The following GRIN2B variants were observed in gnomAD, a reference collection of about 807,000 sequenced individuals.
GRIN2B encodes the protein glutamate receptor ionotropic, NMDA 2B.
In GRIN2B, 5 loss-of-function variants were observed where a neutral mutation model predicts 114.5. The ratio of observed to expected loss-of-function variants is 0.04; its 90% confidence interval spans 0.02 to 0.09. The LOEUF (loss-of-function observed/expected upper bound fraction) is 0.09, where lower values mean the gene tolerates loss of function less well. GRIN2B is among the 10% of genes least tolerant of loss of function. The pLI, the probability that GRIN2B is intolerant of heterozygous loss-of-function variation, is 1.00. For missense variants in GRIN2B, 1,108 were observed against 1,943.5 expected, an observed-to-expected ratio of 0.57 and a Z score of 8.08; for synonymous variants, 787 against 745.1, an observed-to-expected ratio of 1.06 and a Z score of -0.92.
intron 3 of GRIN2B, among the ~76,000 whole-genome samples, chr12:13,862,785 A>C (rs1367172025): frequency 2.6e-5 from 4 of 152,022 alleles, no homozygotes; most frequent in Non-Finnish European, 1.5e-5. Flanking sequence ...CTTTATGCAA[A>C]TCTGTTAAGC....
chr12:13,707,571 T>C (rs939046307), intron 4 of GRIN2B, among the ~76,000 whole-genome samples: 3 of 152,106 alleles, frequency 2.0e-5, no homozygotes, highest in South Asian at 2.1e-4. Context: ...AACAGTGTTA[T>C]ATCAATAAAC....
intron 3 of GRIN2B, among the ~76,000 whole-genome samples, chr12:13,804,711 TATATA>T (rs1864572771): frequency 1.3e-5 from 2 of 152,178 alleles, no homozygotes; most frequent in African/African-American, 4.8e-5. Context: ...AGATTTATAT[TATATA>T]CATTTGGTTA....
chr12:13,845,329 C>T (rs892194542), intron 3 of GRIN2B, among the ~76,000 whole-genome samples: 15 of 152,124 alleles, frequency 9.9e-5, no homozygotes, highest in African/African-American at 3.6e-4. Flanking sequence ...CAATATATTT[C>T]ATTAATATAC....
chr12:13,905,909 C>T (rs949293665), intron 2 of GRIN2B, among the ~76,000 whole-genome samples: 1 of 152,288 alleles, frequency 6.6e-6, no homozygotes, highest in African/African-American at 2.4e-5. Flanking sequence ...TGCATATAAT[C>T]ACAGGTTATT....
chr12:13,879,135 G>A (rs1353079887), intron 2 of GRIN2B, among the ~76,000 whole-genome samples: 3 of 152,140 alleles, frequency 2.0e-5, no homozygotes, highest in Admixed American at 2.0e-4. Context: ...ACAGAGCTAT[G>A]TCCTAAGAAA....
chr12:13,735,873 G>C (rs1292185198), intron 4 of GRIN2B, among the ~76,000 whole-genome samples: 1 of 149,222 alleles, frequency 6.7e-6, no homozygotes, highest in African/African-American at 2.5e-5. Context: ...CCTTTCCCAG[G>C]GTTCGGAAGG....
At chr12:13,644,933 G>T (rs979105491) in intron 5 of GRIN2B, among the ~76,000 whole-genome samples, 11 of 152,220 alleles carry the variant, frequency 7.2e-5, no homozygotes, top group Admixed American at 2.0e-4. Flanking sequence ...TGGCTGATTT[G>T]ATCTTCTATC....
At chr12:13,586,051 C>T (rs1348413316) in intron 10 of GRIN2B, among the ~76,000 whole-genome samples, 1 of 152,152 alleles carries the variant, frequency 6.6e-6, no homozygotes, top group Non-Finnish European at 1.5e-5. Flanking sequence ...ATATCAATAA[C>T]CATGTTGGTA....
intron 3 of GRIN2B, among the ~76,000 whole-genome samples, chr12:13,756,293 C>T (rs928843838): frequency 3.3e-5 from 5 of 152,128 alleles, no homozygotes; most frequent in African/African-American, 4.8e-5. Context: ...GGATTACAGG[C>T]GTGAGCTACT....
intron 2 of GRIN2B, among the ~76,000 whole-genome samples, chr12:13,953,352 T>C (rs1170171932): frequency 6.6e-6 from 1 of 152,144 alleles, no homozygotes; most frequent in Non-Finnish European, 1.5e-5. Flanking sequence ...CTCCACACCA[T>C]GATGTGCAGT....
chr12:13,666,631 G>T (rs1463640759), intron 5 of GRIN2B, among the ~76,000 whole-genome samples: 1 of 152,092 alleles, frequency 6.6e-6, no homozygotes, highest in Non-Finnish European at 1.5e-5. Context: ...ACCACAGGCT[G>T]CTTGGCAGAG....
At chr12:13,906,504 A>G (rs1160740729) in intron 2 of GRIN2B, among the ~76,000 whole-genome samples, 3 of 152,232 alleles carry the variant, frequency 2.0e-5, no homozygotes, top group Non-Finnish European at 4.4e-5. Context: ...CTAGAGATAA[A>G]TGGTTATACC....
chr12:13,719,666 A>T (rs1950490144), intron 4 of GRIN2B, among the ~76,000 whole-genome samples: 1 of 152,098 alleles, frequency 6.6e-6, no homozygotes, highest in Non-Finnish European at 1.5e-5. Flanking sequence ...GTAGATATCA[A>T]ATTCACATAG....
At chr12:13,705,546 C>T (rs532741693) in intron 4 of GRIN2B, among the ~76,000 whole-genome samples, 1 of 152,216 alleles carries the variant, frequency 6.6e-6, no homozygotes, top group African/African-American at 2.4e-5. Context: ...TCTGTTAACA[C>T]ATTAATGAAC....
At chr12:13,670,946 T>C (rs1163042503) in intron 5 of GRIN2B, among the ~76,000 whole-genome samples, 1 of 152,112 alleles carries the variant, frequency 6.6e-6, no homozygotes, top group African/African-American at 2.4e-5. Flanking sequence ...TGTTCATTTT[T>C]TTATTAAAGT....
At chr12:13,696,752 A>T (rs1950263017) in intron 4 of GRIN2B, among the ~76,000 whole-genome samples, 1 of 152,100 alleles carries the variant, frequency 6.6e-6, no homozygotes, top group Non-Finnish European at 1.5e-5. Context: ...ATCCTCTTTC[A>T]TCCTGTTTTC....
At chr12:13,857,515 A>T (rs974823705) in intron 3 of GRIN2B, among the ~76,000 whole-genome samples, 2 of 152,248 alleles carry the variant, frequency 1.3e-5, no homozygotes, top group African/African-American at 4.8e-5. Flanking sequence ...TTGAAAGTTA[A>T]GAAAAAAAGA....
intron 5 of GRIN2B, among the ~76,000 whole-genome samples, chr12:13,644,727 A>G (rs1216270613): frequency 6.6e-6 from 1 of 152,178 alleles, no homozygotes; most frequent in Non-Finnish European, 1.5e-5. Flanking sequence ...AACTTGCTGC[A>G]GCTTCTCCAT....
intron 3 of GRIN2B, among the ~76,000 whole-genome samples, chr12:13,801,725 T>A (rs1023504648): frequency 1.3e-5 from 2 of 152,150 alleles, no homozygotes; most frequent in Admixed American, 1.3e-4. Flanking sequence ...AGCAGCCCTG[T>A]GTCAAGGAGC....
Sources: gnomAD v4.1 joint callset for allele counts (sites outside exome capture counted in the v4.1 genomes callset) on GRCh38, gnomAD v4.1.1 for gene constraint, MANE v1.5 for transcripts, NCBI Gene and HGNC (gene_info 2026-07-23, HGNC 2026-07-21) for gene names.